The following DHX35 variants were observed in gnomAD, a reference collection of about 807,000 sequenced individuals.
DHX35 encodes DEAH-box helicase 35.
In DHX35, 84 loss-of-function variants were observed where a neutral mutation model predicts 99.6. The observed-to-expected ratio is 0.84, with a 90% CI of 0.71 to 1.01. DHX35 has a LOEUF of 1.01. Among genes scored for constraint, DHX35 ranks in the 50% least tolerant of loss-of-function variants. The probability of loss-of-function intolerance (pLI) is 0.00; values close to 1 mark genes in which losing one functional copy is unlikely to be tolerated. For synonymous variants in DHX35, 331 were observed against 316.2 expected, an observed-to-expected ratio of 1.05 and a Z score of -0.50; for missense variants, 852 against 888.5, an observed-to-expected ratio of 0.96 and a Z score of 0.52.
chr20:39,002,995 T>A, intron 10 of DHX35, 127 bp downstream of exon 10: 1 of 830,518 alleles, frequency 1.2e-6, no homozygotes, highest in Non-Finnish European at 1.9e-6. Context: ...CATAATTGTG[T>A]AGAAAATTGA....
intron 1 of DHX35, 91 bp downstream of exon 1, chr20:38,962,498 C>T (rs1601347931): frequency 1.3e-6 from 2 of 1,495,846 alleles, no homozygotes; most frequent in Non-Finnish European, 1.8e-6. Flanking sequence ...CAGACCTGCT[C>T]GCAGGCCTGA....
chr20:39,035,358 C>T (rs1600462356), intron 21 of DHX35, among the ~76,000 whole-genome samples: 1 of 152,222 alleles, frequency 6.6e-6, no homozygotes, highest in South Asian at 2.1e-4. Context: ...AGGTGTGAGC[C>T]ACCACGCCCA....
intron 7 of DHX35, 91 bp downstream of exon 7, chr20:38,992,516 A>G: frequency 8.4e-7 from 1 of 1,192,630 alleles, no homozygotes; most frequent in East Asian, 2.3e-5. Context: ...GTACAACAAA[A>G]TACCAAGGAA....
chr20:38,994,937 T>C, intron 8 of DHX35, 57 bp downstream of exon 8: 1 of 1,508,022 alleles, frequency 6.6e-7, no homozygotes, highest in Non-Finnish European at 9.2e-7. Flanking sequence ...GTCCTATATA[T>C]CCTTGGGAAG....
At chr20:39,017,400 C>T (rs957946037) in intron 14 of DHX35, among the ~76,000 whole-genome samples, 1 of 152,178 alleles carries the variant, frequency 6.6e-6, no homozygotes, top group African/African-American at 2.4e-5. Flanking sequence ...CTCGAAAGCA[C>T]ATTTCCTGGG....
At chr20:39,017,921 A>G (rs6129150) in intron 14 of DHX35, among the ~76,000 whole-genome samples, 17,633 of 152,238 alleles carry the variant, frequency 0.12, 1,305 homozygotes, top group South Asian at 0.21. Flanking sequence ...CGGGTAATTT[A>G]TAAAGGAAAG....
At chr20:38,990,205 G>A (rs2086316625) in intron 5 of DHX35, among the ~76,000 whole-genome samples, 1 of 152,134 alleles carries the variant, frequency 6.6e-6, no homozygotes, top group South Asian at 2.1e-4. Flanking sequence ...CTCAGTTCTC[G>A]ACTGGTGATT....
At chr20:39,028,397 C>T (rs367884004) in intron 18 of DHX35, 21 bp from the exon 19 acceptor site, 30 of 1,613,802 alleles carry the variant, frequency 1.9e-5, no homozygotes, top group Non-Finnish European at 2.4e-5. Flanking sequence ...TCACCCGCCT[C>T]TCTGTTGGCT....
chr20:38,977,656 C>T (rs1016208532), intron 3 of DHX35: 18 of 359,740 alleles, frequency 5.0e-5, no homozygotes, highest in Non-Finnish European at 8.4e-5. Context: ...TTATCAAACA[C>T]GGTAGGGAAA....
chr20:38,991,546 T>G, intron 6 of DHX35, 31 bp downstream of exon 6: 1 of 1,603,378 alleles, frequency 6.2e-7, no homozygotes, highest in South Asian at 1.1e-5. Flanking sequence ...ATAGCTTTCC[T>G]AGTTTCCAAA....
intron 14 of DHX35, among the ~76,000 whole-genome samples, chr20:39,016,470 C>T (rs1176887000): frequency 1.3e-5 from 2 of 152,296 alleles, no homozygotes; most frequent in Middle Eastern, 3.4e-3. Flanking sequence ...TATATTCATA[C>T]CTTATCCCCT....
chr20:39,010,378 A>C lies in DHX35; in HGVS notation c.1321A>C (p.Asn441His), dbSNP rs765405524. Residue 441 changes from asparagine (N) to histidine (H), a missense_variant, in exon 13 of 22, where the codon AAT becomes CAT. By Grantham distance (68) the Asn-to-His change is moderately conservative (BLOSUM62 1). Coordinates refer to ENST00000252011, the MANE Select transcript of DHX35 (RefSeq NM_021931.4). Reference sequence around the variant, plus strand: ...GCAGCTGAAAGCACTAGGAATTGACAATGTCCTCAGGTTCCACTTCATGTC... The same window carrying C: ...GCAGCTGAAAGCACTAGGAATTGACCATGTCCTCAGGTTCCACTTCATGTC... ...ILQLKALGID[N>H]VLRFHFMSPP... is the part of the protein sequence containing the mutation. 1.2e-6 allele frequency: 2 copies of C among 1,614,192 alleles called. No homozygotes were observed. Among genetic ancestry groups the C allele is most frequent in the South Asian group, 2.2e-5 (2 of 91,088 alleles).
intron 18 of DHX35, among the ~76,000 whole-genome samples, chr20:39,025,639 C>T (rs1369859772): frequency 6.6e-6 from 1 of 152,180 alleles, no homozygotes; most frequent in Non-Finnish European, 1.5e-5. Context: ...CAGTGCACAT[C>T]ATGTCATTGA....
In DHX35 at chr20:38,996,056, C is replaced by G. The variant is rs141054809; in HGVS notation, c.642+1176C>G. 6.1e-3 allele frequency among the ~76,000 whole-genome samples: 935 copies of G among 152,306 alleles called. 12 individuals carry two copies. The highest frequency in any genetic ancestry group is 0.019 in the African/African-American group (805 of 41,566). On this transcript the variant is annotated intron_variant, in intron 8 of 21. Coordinates refer to ENST00000252011, the MANE Select transcript of DHX35 (RefSeq NM_021931.4). ...AAAACAACCCAGGCATGCTTCTGCT[C>G]TGGAGGAACCCTCTTTTTAGACCAT...
chr20:39,012,583 G>A (rs2145916234), intron 13 of DHX35, among the ~76,000 whole-genome samples: 1 of 151,810 alleles, frequency 6.6e-6, no homozygotes, highest in Non-Finnish European at 1.5e-5. Context: ...AGGCTGGAGT[G>A]CAGTTGTGCG....
intron 21 of DHX35, among the ~76,000 whole-genome samples, chr20:39,035,430 A>G (rs1404270838): frequency 1.3e-5 from 2 of 152,210 alleles, no homozygotes; most frequent in Non-Finnish European, 2.9e-5. Context: ...CTTGCTTTAC[A>G]TATTTTGCCC....
intron 5 of DHX35, among the ~76,000 whole-genome samples, chr20:38,989,265 GTTTTTTTTTTTT>G (rs59991063): frequency 3.6e-5 from 4 of 111,880 alleles, no homozygotes; most frequent in South Asian, 3.0e-4. Flanking sequence ...ACCCGGCTAA[GTTTTTTTTTTTT>G]TTTTTTTTTT....
chr20:39,030,786 C>T lies in DHX35; in HGVS notation c.1955+11C>T. On this transcript the variant is annotated intron_variant, in intron 20 of 21. Coordinates refer to ENST00000252011, the MANE Select transcript of DHX35 (RefSeq NM_021931.4). ...GAAGCCGCCTCGCTGGTAAGCTCAT[C>T]CTGCTGCTTAGCCTGTGCCTGCTTT... 3 of 1,613,774 alleles carry T rather than the reference C, an allele frequency of 1.9e-6. No homozygotes were observed. The highest frequency in any genetic ancestry group is 2.2e-5 in the South Asian group (2 of 91,078).
chr20:38,996,703 C>T (rs2086434964), intron 8 of DHX35, among the ~76,000 whole-genome samples: 2 of 152,158 alleles, frequency 1.3e-5, no homozygotes, highest in Non-Finnish European at 2.9e-5. Flanking sequence ...GAAAGCTTAC[C>T]ATAGCGAAGG....
Sources: allele counts gnomAD v4.1 joint callset (sites outside exome capture counted in the v4.1 genomes callset), GRCh38; gene constraint gnomAD v4.1.1; transcripts MANE v1.5; gene names NCBI Gene and HGNC (gene_info 2026-07-23, HGNC 2026-07-21).